SKAP2: variants seen among roughly 807,000 people sequenced by gnomAD.
SKAP2 encodes the protein src kinase-associated phosphoprotein 2.
SKAP2 carries 28 observed loss-of-function variants against 54.9 expected under a neutral mutation model. The observed-to-expected ratio is 0.51, with a 90% confidence interval of 0.38 to 0.70. The LOEUF (loss-of-function observed/expected upper bound fraction) is 0.70, where lower values mean the gene tolerates loss of function less well. SKAP2 is among the 30% of genes least tolerant of loss of function. The pLI, the probability that SKAP2 is intolerant of heterozygous loss-of-function variation, is 0.00. For synonymous variants in SKAP2, 137 were observed against 134.3 expected (o/e 1.02, Z -0.14); for missense variants, 356 against 424.1 (o/e 0.84, Z 1.41).
At chr7:26,717,566 C>T (rs567419509) in intron 9 of SKAP2, among the ~76,000 whole-genome samples, 2 of 120,170 alleles carry the variant, frequency 1.7e-5, no homozygotes, top group Non-Finnish European at 3.4e-5. Context: ...TGGCTCATAC[C>T]TATAATCCCA....
At chr7:26,693,335 A>G (rs1388817831) in intron 9 of SKAP2, among the ~76,000 whole-genome samples, 1 of 88,514 alleles carries the variant, frequency 1.1e-5, no homozygotes, top group Non-Finnish European at 2.3e-5. Flanking sequence ...TCCATCTCAA[A>G]AAAAAAAAAA....
intron 4 of SKAP2, among the ~76,000 whole-genome samples, chr7:26,768,944 T>C (rs1388408356): frequency 6.6e-6 from 1 of 152,210 alleles, no homozygotes; most frequent in Non-Finnish European, 1.5e-5. Flanking sequence ...TTGGGGTTGC[T>C]CTTCTCGAGG....
At position 26,669,205 on chromosome 7, in the gene SKAP2, A is replaced by C. The variant is rs1786179148; in HGVS notation, c.*461T>G. ...TCTTTGTTTAGCAACCACATTCTTC[A>C]GCATCTACCAAAAAAAACTCGCATG... On this transcript the variant is annotated 3_prime_UTR_variant, in exon 13 of 13. Transcript: ENST00000345317. 6.6e-6 allele frequency: 1 copy of C among 152,216 alleles called. No homozygotes were observed. Among genetic ancestry groups the C allele is most frequent in the Admixed American group, 6.5e-5 (1 of 15,276 alleles). 9.4% of individuals were successfully genotyped at this position (152,216 alleles called of 1,614,324 possible).
chr7:26,864,511 C>G lies in SKAP2; in HGVS notation c.-82G>C. The G allele has an allele frequency of 2.6e-6, 4 of 1,510,976 alleles. No homozygotes were observed. The highest frequency in any genetic ancestry group is 3.5e-6 in the Non-Finnish European group (4 of 1,131,260). 93.6% of individuals were successfully genotyped at this position (1,510,976 alleles called of 1,614,324 possible). On this transcript the variant is annotated 5_prime_UTR_variant, in exon 1 of 13. Transcript: ENST00000345317. Reference sequence around the variant, plus strand: ...GGTGGGGCTGCGGCTGCGACCTAGACTCAGGCTAGCGGCCCGGATTAAGAA... The same window carrying G: ...GGTGGGGCTGCGGCTGCGACCTAGAGTCAGGCTAGCGGCCCGGATTAAGAA...
At chr7:26,801,456 G>A (rs1783913052) in intron 4 of SKAP2, among the ~76,000 whole-genome samples, 1 of 152,160 alleles carries the variant, frequency 6.6e-6, no homozygotes. Flanking sequence ...ACACGACAAA[G>A]ATGCCCATTG....
chr7:26,701,661 G>A (rs1164907378), intron 9 of SKAP2, among the ~76,000 whole-genome samples: 1 of 152,050 alleles, frequency 6.6e-6, no homozygotes, highest in Non-Finnish European at 1.5e-5. Context: ...GGAGGTGGAG[G>A]TTGCAGTGAG....
Position 26,763,965 on chromosome 7 carries a change from G to A in SKAP2, c.308-24001C>T, listed in dbSNP as rs558079722. 2.0e-4 allele frequency among the ~76,000 whole-genome samples: 30 copies of A among 152,144 alleles called. No homozygotes were observed. The South Asian group carries it at 3.7e-3, about 19-fold the overall frequency. On this transcript the variant is annotated intron_variant, in intron 4 of 12. Transcript: ENST00000345317. ...AAGACCATCATCAACTATACAATTCGTTGTTGACTGAAAGGTTGTTAGGCA... is the reference window on the plus strand; with the variant it reads ...AAGACCATCATCAACTATACAATTCATTGTTGACTGAAAGGTTGTTAGGCA...
chr7:26,820,899 T>C (rs1239108006), intron 4 of SKAP2, among the ~76,000 whole-genome samples: 2 of 152,202 alleles, frequency 1.3e-5, no homozygotes, highest in Non-Finnish European at 2.9e-5. Context: ...AGAGCTAACA[T>C]TGGCATGTCC....
At chr7:26,864,261 G>A in intron 1 of SKAP2, 102 bp downstream of exon 1, 4 of 1,408,004 alleles carry the variant, frequency 2.8e-6, no homozygotes, top group Non-Finnish European at 4.0e-6. Context: ...CGTGGGAAGC[G>A]CGGGGAGGGA....
intron 6 of SKAP2, among the ~76,000 whole-genome samples, chr7:26,728,365 T>C (rs1014914784): frequency 1.3e-5 from 2 of 152,108 alleles, no homozygotes; most frequent in East Asian, 3.9e-4. Flanking sequence ...CTTAGTACAT[T>C]TACATAGTAA....
Position 26,769,925 on chromosome 7 carries a change from A to G in SKAP2, c.308-29961T>C, listed in dbSNP as rs150438516. Among the ~76,000 whole-genome samples, 238 of 152,298 alleles carry G rather than the reference A, an allele frequency of 1.6e-3. 1 individual carries two copies. Among genetic ancestry groups the G allele is most frequent in the African/African-American group, 5.5e-3 (229 of 41,566 alleles). ...GAGGTGTCTCCCAGTCAGGAGGCAC[A>G]GGGTCAGAGACCCACTTGAGGAGGC... On this transcript the variant is annotated intron_variant, in intron 4 of 12. Coordinates refer to ENST00000345317, the MANE Select transcript of SKAP2 (RefSeq NM_003930.5).
chr7:26,692,475 C>T (rs148938780), intron 9 of SKAP2, among the ~76,000 whole-genome samples: 179 of 152,212 alleles, frequency 1.2e-3, no homozygotes, highest in Admixed American at 3.5e-3. Flanking sequence ...GCATTTCAAC[C>T]AAGCTTGAGA....
chr7:26,827,883 G>C (rs996216092), intron 4 of SKAP2, among the ~76,000 whole-genome samples: 5 of 152,158 alleles, frequency 3.3e-5, no homozygotes, highest in African/African-American at 9.7e-5. Context: ...CACACTGATA[G>C]CAAGTGCTGC....
At chr7:26,798,408 C>T (rs1197960149) in intron 4 of SKAP2, among the ~76,000 whole-genome samples, 1 of 151,798 alleles carries the variant, frequency 6.6e-6, no homozygotes, top group Non-Finnish European at 1.5e-5. Flanking sequence ...ATGCAATTGG[C>T]ATACTGAAGA....
chr7:26,775,816 C>T (rs1354037967), intron 4 of SKAP2, among the ~76,000 whole-genome samples: 2 of 152,182 alleles, frequency 1.3e-5, no homozygotes, highest in Non-Finnish European at 2.9e-5. Context: ...CTTTTCTTCA[C>T]TCAGCGTAAC....
chr7:26,745,792 G>T (rs936806947), intron 4 of SKAP2, among the ~76,000 whole-genome samples: 2 of 152,146 alleles, frequency 1.3e-5, no homozygotes, highest in Non-Finnish European at 2.9e-5. Flanking sequence ...TGGTATTATA[G>T]GCATGAGCCA....
At chr7:26,722,860 G>A (rs1276773495) in intron 9 of SKAP2, among the ~76,000 whole-genome samples, 1 of 152,134 alleles carries the variant, frequency 6.6e-6, no homozygotes, top group Non-Finnish European at 1.5e-5. Context: ...CATAATAAAT[G>A]CTTAGATTTC....
chr7:26,811,103 T>A (rs1784134736), intron 4 of SKAP2, among the ~76,000 whole-genome samples: 1 of 152,150 alleles, frequency 6.6e-6, no homozygotes, highest in Non-Finnish European at 1.5e-5. Flanking sequence ...TTTGTTAGCA[T>A]CCAAAGCTCA....
chr7:26,843,778 A>G (rs1019851873), intron 4 of SKAP2, among the ~76,000 whole-genome samples: 1 of 152,044 alleles, frequency 6.6e-6, no homozygotes, highest in African/African-American at 2.4e-5. Flanking sequence ...GTTACTAATA[A>G]TATTCATATG....
Sources: allele counts gnomAD v4.1 joint callset (sites outside exome capture counted in the v4.1 genomes callset), GRCh38; gene constraint gnomAD v4.1.1; transcripts MANE v1.5; gene names NCBI Gene and HGNC (gene_info 2026-07-23, HGNC 2026-07-21).